Variants in NEGR1 observed in about 807,000 individuals in gnomAD.
NEGR1 encodes the protein neuronal growth regulator 1, also known as IgLON family member 4.
In NEGR1, 10 loss-of-function variants were observed where a neutral mutation model predicts 40.9. That is an observed-to-expected ratio of 0.24 (90% CI 0.15 to 0.42). The LOEUF (loss-of-function observed/expected upper bound fraction) is 0.42. Ranked by LOEUF, NEGR1 falls within the 10% of genes least tolerant of loss-of-function variation. NEGR1 has a pLI of 1.00. For synonymous variants in NEGR1, 185 were observed against 166.8 expected (o/e 1.11, Z -0.84); for missense variants, 352 against 438.9 (o/e 0.80, Z 1.77).
At chr1:71,541,666 G>A (rs1647707583) in intron 6 of NEGR1, among the ~76,000 whole-genome samples, 1 of 151,772 alleles carries the variant, frequency 6.6e-6, no homozygotes, top group African/African-American at 2.4e-5. Context: ...GAACAGAACG[G>A]GCTGTCAGAA....
chr1:72,258,298 A>G lies in NEGR1; in HGVS notation c.176+24021T>C, dbSNP rs552173329. On this transcript the variant is annotated intron_variant, in intron 1 of 6. Transcript: ENST00000357731. The stretch of plus-strand genomic sequence containing the variant: ...ATCAACACACAGGACAGATCCCACA[A>G]CTAAGAATTATATGGCTAGAAATAT... 3.3e-4 allele frequency among the ~76,000 whole-genome samples: 51 copies of G among 152,330 alleles called. No homozygotes were observed. The Middle Eastern group carries it at 0.01, about 30-fold the overall frequency.
Position 71,935,140 on chromosome 1 carries a change from G to A in NEGR1, c.348C>T (p.Tyr116=). Residue 116 remains tyrosine, a synonymous_variant, in exon 2 of 7, where the codon TAC becomes TAT. Transcript: ENST00000357731. ...TATGTTGAGTCTGAACAGAACACGT[G>A]TATGGGCCATCATCTGTCACATCTA... is the stretch of plus-strand genomic sequence containing the variant. ...QNVDVTDDGP[Y]TCSVQTQHTP... 2 of 1,613,698 alleles carry A rather than the reference G, an allele frequency of 1.2e-6. No individual in the cohort carries two copies. The highest frequency in any genetic ancestry group is 1.7e-6 in the Non-Finnish European group (2 of 1,179,694).
intron 2 of NEGR1, among the ~76,000 whole-genome samples, chr1:71,816,704 T>C (rs1009143541): frequency 2.6e-5 from 4 of 151,998 alleles, no homozygotes; most frequent in Non-Finnish European, 4.4e-5. Flanking sequence ...CTTTGTTTCA[T>C]ACAGTCAAGT....
intron 1 of NEGR1, among the ~76,000 whole-genome samples, chr1:72,096,612 T>A (rs1346218815): frequency 3.3e-5 from 5 of 152,052 alleles, no homozygotes; most frequent in Admixed American, 6.6e-5. Flanking sequence ...TCATATAAAA[T>A]AAAAATCCAG....
intron 3 of NEGR1, among the ~76,000 whole-genome samples, chr1:71,741,179 C>G (rs1460144498): frequency 6.6e-6 from 1 of 152,152 alleles, no homozygotes; most frequent in Non-Finnish European, 1.5e-5. Flanking sequence ...TCTGTTAATT[C>G]TCCATTTGGT....
chr1:71,934,005 C>T (rs562132555), intron 2 of NEGR1, among the ~76,000 whole-genome samples: 1 of 152,164 alleles, frequency 6.6e-6, no homozygotes, highest in South Asian at 2.1e-4. Flanking sequence ...TAAGCCTTGA[C>T]TTATTGAAGG....
At chr1:72,227,674 C>T (rs1170234495) in intron 1 of NEGR1, among the ~76,000 whole-genome samples, 1 of 151,946 alleles carries the variant, frequency 6.6e-6, no homozygotes, top group East Asian at 1.9e-4. Context: ...GGGTTTTTCC[C>T]TTCTGAAAAC....
intron 1 of NEGR1, among the ~76,000 whole-genome samples, chr1:72,244,263 TTAAA>T (rs929218221): frequency 1.3e-5 from 2 of 151,878 alleles, no homozygotes; most frequent in African/African-American, 4.8e-5. Context: ...TTTTCGTCTC[TTAAA>T]TAACTTATTT....
At chr1:71,817,240 A>G (rs566473479) in intron 2 of NEGR1, among the ~76,000 whole-genome samples, 1 of 152,178 alleles carries the variant, frequency 6.6e-6, no homozygotes, top group South Asian at 2.1e-4. Flanking sequence ...GCCTCCAGCT[A>G]TCAGCTTCTC....
intron 2 of NEGR1, among the ~76,000 whole-genome samples, chr1:71,834,625 A>C (rs1223841978): frequency 6.6e-6 from 1 of 152,028 alleles, no homozygotes; most frequent in Non-Finnish European, 1.5e-5. Flanking sequence ...CACTTTCAGA[A>C]AACACATTGT....
At chr1:71,421,418 A>C (rs1280021745) in intron 6 of NEGR1, 1 of 152,102 alleles carries the variant, frequency 6.6e-6, no homozygotes, top group Non-Finnish European at 1.5e-5. Context: ...CAGGGCTTGA[A>C]AACTTGAAAA....
intron 3 of NEGR1, among the ~76,000 whole-genome samples, chr1:71,720,015 G>T (rs1000496341): frequency 4.6e-5 from 7 of 152,222 alleles, no homozygotes; most frequent in African/African-American, 1.7e-4. Context: ...AAAGGTAGTT[G>T]TCATAGAAGT....
chr1:71,998,874 C>G (rs1383964183), intron 1 of NEGR1, among the ~76,000 whole-genome samples: 1 of 151,658 alleles, frequency 6.6e-6, no homozygotes, highest in African/African-American at 2.4e-5. Flanking sequence ...TATATAGTTA[C>G]ATATACTATA....
chr1:71,881,024 A>G (rs1349796904), intron 2 of NEGR1, among the ~76,000 whole-genome samples: 2 of 151,964 alleles, frequency 1.3e-5, no homozygotes, highest in Non-Finnish European at 2.9e-5. Context: ...TTTTATATAA[A>G]AGCAATTTAT....
chr1:71,408,400 A>G (rs2101258398), intron 6 of NEGR1, among the ~76,000 whole-genome samples: 1 of 152,128 alleles, frequency 6.6e-6, no homozygotes, highest in East Asian at 1.9e-4. Flanking sequence ...TGGAGAGTTG[A>G]ATGTATGACT....
At chr1:72,277,552 G>A (rs991160132) in intron 1 of NEGR1, among the ~76,000 whole-genome samples, 18 of 152,062 alleles carry the variant, frequency 1.2e-4, no homozygotes, top group African/African-American at 4.1e-4. Context: ...GTGTACTAAT[G>A]TATCAAGTAA....
intron 2 of NEGR1, among the ~76,000 whole-genome samples, chr1:71,841,303 G>C (rs2101802511): frequency 6.6e-6 from 1 of 152,102 alleles, no homozygotes; most frequent in Middle Eastern, 3.4e-3. Context: ...ATGACGTTAG[G>C]TCTCCTAGGC....
At chr1:71,991,351 T>C (rs1444803313) in intron 1 of NEGR1, among the ~76,000 whole-genome samples, 7 of 152,170 alleles carry the variant, frequency 4.6e-5, no homozygotes, top group Admixed American at 1.3e-4. Context: ...TCAGCTCTTA[T>C]GACTTACTCT....
At chr1:71,426,583 C>G (rs1646430076) in intron 6 of NEGR1, among the ~76,000 whole-genome samples, 2 of 152,164 alleles carry the variant, frequency 1.3e-5, no homozygotes, top group South Asian at 4.1e-4. Context: ...ATAATCTCAA[C>G]TGCTGTGTTC....
Sources: allele counts gnomAD v4.1 joint callset (sites outside exome capture counted in the v4.1 genomes callset), GRCh38; gene constraint gnomAD v4.1.1; transcripts MANE v1.5; gene names NCBI Gene and HGNC (gene_info 2026-07-23, HGNC 2026-07-21).